FYB2: variants seen among roughly 807,000 people sequenced by gnomAD.
The protein encoded by FYB2 is FYN-binding protein 2.
FYB2 carries 103 observed loss-of-function variants against 94.1 expected under a neutral mutation model. That is an observed-to-expected ratio of 1.09 (90% CI 0.93 to 1.29). FYB2 has a LOEUF of 1.29. FYB2 is among the 50% of genes most tolerant of loss of function. The probability of loss-of-function intolerance (pLI) is 0.00; values close to 1 mark genes in which losing one functional copy is unlikely to be tolerated. For missense variants in FYB2, 896 were observed against 841.5 expected (o/e 1.06, Z -0.80); for synonymous variants, 293 against 287.9 (o/e 1.02, Z -0.18).
At chr1:56,822,738 A>G (rs1284873834), upstream of FYB2, among the ~76,000 whole-genome samples, 1 of 51,850 alleles carries the variant, frequency 1.9e-5, no homozygotes, top group African/African-American at 7.6e-5. Flanking sequence ...GAAACAGAAT[A>G]CCCCGATGTA....
At chr1:56,743,365 T>G (rs1644997688) in intron 11 of FYB2, among the ~76,000 whole-genome samples, 1 of 151,988 alleles carries the variant, frequency 6.6e-6, no homozygotes, top group African/African-American at 2.4e-5. Flanking sequence ...AGTATAAAAT[T>G]ACAACTGTGA....
At chr1:56,752,756 G>T (rs1362419425) in intron 8 of FYB2, among the ~76,000 whole-genome samples, 1 of 152,032 alleles carries the variant, frequency 6.6e-6, no homozygotes, top group Non-Finnish European at 1.5e-5. Context: ...AGAAGGAAGT[G>T]ACTCTTCGTT....
intron 2 of FYB2, among the ~76,000 whole-genome samples, chr1:56,791,471 GTTTTGAACTCCTGAACTCTGC>G (rs891468928): frequency 8.6e-5 from 13 of 152,042 alleles, no homozygotes; most frequent in African/African-American, 3.1e-4. Context: ...AGCCAGGCTG[GTTTTGAACTCCTGAACTCTGC>G]CCACCTTGGC....
At chr1:56,786,229 C>T (rs1646129827) in intron 4 of FYB2, among the ~76,000 whole-genome samples, 1 of 152,170 alleles carries the variant, frequency 6.6e-6, no homozygotes, top group Non-Finnish European at 1.5e-5. Context: ...CCCAGCTGAC[C>T]CCAGCCCAGA....
chr1:56,743,958 C>T, intron 11 of FYB2, 68 bp downstream of exon 11: 1 of 1,482,436 alleles, frequency 6.7e-7, no homozygotes. Flanking sequence ...GACATCTTAT[C>T]ACTAATCAGC....
Position 56,718,796 on chromosome 1 carries a change from C to CTGTT in FYB2, c.*871_*874dup, listed in dbSNP as rs1437656095. On this transcript the variant is annotated 3_prime_UTR_variant, in exon 20 of 20. Transcript: ENST00000343433. ...AAAAGCCACTTTCAAAAATTTTAAA[C>CTGTT]TGTTAAATGCATATGTAGAATTTAT... The CTGTT allele has an allele frequency of 1.3e-5, 2 of 152,554 alleles. No homozygotes were observed. Among genetic ancestry groups the CTGTT allele is most frequent in the Admixed American group, 6.6e-5 (1 of 15,264 alleles). The allele number at this position is 152,554 out of a possible 1,614,324, so 9.5% of individuals were successfully genotyped here. A position where few individuals can be genotyped will look rare whatever the true frequency, so the allele number is the denominator to read the frequency against.
intron 15 of FYB2, among the ~76,000 whole-genome samples, chr1:56,732,492 T>C (rs1429344521): frequency 6.6e-6 from 1 of 152,130 alleles, no homozygotes; most frequent in African/African-American, 2.4e-5. Context: ...TTAGAATTTG[T>C]ATGGAATCAC....
At chr1:56,796,972 A>T (rs1163141681) in intron 1 of FYB2, among the ~76,000 whole-genome samples, 1 of 152,218 alleles carries the variant, frequency 6.6e-6, no homozygotes, top group Non-Finnish European at 1.5e-5. Flanking sequence ...CAGAAAATGA[A>T]GGAGACAGAC....
chr1:56,824,986 G>T, the FYB2 span: 66,637 of 152,122 alleles, frequency 0.44, 15,377 homozygotes, highest in East Asian at 0.58. Context: ...GGGAAAGGAG[G>T]TGGCCTGTGT....
intron 1 of FYB2, among the ~76,000 whole-genome samples, chr1:56,802,920 T>C (rs1646554369): frequency 6.6e-6 from 1 of 152,204 alleles, no homozygotes; most frequent in African/African-American, 2.4e-5. Flanking sequence ...ATCATCTTCC[T>C]AGCATCAACA....
chr1:56,748,660 C>G (rs1406179712), intron 9 of FYB2, among the ~76,000 whole-genome samples: 1 of 151,954 alleles, frequency 6.6e-6, no homozygotes, highest in African/African-American at 2.4e-5. Context: ...TACCATTACT[C>G]TCTTCCCAAA....
In FYB2 at chr1:56,767,918, T is replaced by C; in HGVS notation, c.974A>G (p.Glu325Gly). 6.2e-7 allele frequency: 1 copy of C among 1,607,976 alleles called. No homozygotes were observed. Among genetic ancestry groups the C allele is most frequent in the Non-Finnish European group, 8.5e-7 (1 of 1,177,696 alleles). The stretch of plus-strand genomic sequence containing the variant: ...TGTTGCCTCGTAATTATGTGGTTCT[T>C]CAAATTCTGCATTGAAAAGCCTGGA... ...SPERLFNAEF[E>G]EPHNYEATIS... The change falls in exon 5 of 20, where the codon GAA becomes GGA. Residue 325 changes from glutamate to glycine, a missense_variant. Glu to Gly is a moderately conservative substitution (Grantham distance 98, BLOSUM62 -2). Transcript: ENST00000343433.
chr1:56,787,283 G>A, intron 3 of FYB2, 75 bp from the exon 4 acceptor site: 1 of 1,535,196 alleles, frequency 6.5e-7, no homozygotes, highest in Admixed American at 1.7e-5. Flanking sequence ...CTTGTGTGAT[G>A]ACTTGATCCC....
chr1:56,763,087 C>T (rs533014811), intron 5 of FYB2, among the ~76,000 whole-genome samples: 1 of 152,186 alleles, frequency 6.6e-6, no homozygotes, highest in East Asian at 1.9e-4. Flanking sequence ...CCCTTATATA[C>T]CACAACCAAA....
At chr1:56,749,258 T>G (rs906429346) in intron 9 of FYB2, among the ~76,000 whole-genome samples, 6 of 151,900 alleles carry the variant, frequency 3.9e-5, no homozygotes, top group Admixed American at 2.0e-4. Context: ...ATAGTATTTG[T>G]TTTATCTATT....
intron 14 of FYB2, 156 bp from the exon 15 acceptor site, chr1:56,737,303 C>G (rs1644850023): frequency 8.6e-6 from 4 of 467,474 alleles, no homozygotes; most frequent in South Asian, 8.9e-5. Context: ...CTAGAAGAAT[C>G]AAAGAATAAA....
chr1:56,790,251 A>T (rs1646229976), intron 2 of FYB2, among the ~76,000 whole-genome samples: 1 of 152,204 alleles, frequency 6.6e-6, no homozygotes, highest in South Asian at 2.1e-4. Flanking sequence ...GCTGGAAGGG[A>T]GGGAAAGCTT....
chr1:56,745,734 G>T (rs1255188095), intron 9 of FYB2, among the ~76,000 whole-genome samples: 2 of 151,892 alleles, frequency 1.3e-5, no homozygotes, highest in Non-Finnish European at 2.9e-5. Flanking sequence ...TCTTGTACTT[G>T]CAAAAGCTTT....
chr1:56,743,883 A>G (rs1329658419), intron 11 of FYB2, 143 bp downstream of exon 11: 11 of 796,690 alleles, frequency 1.4e-5, no homozygotes, highest in Admixed American at 1.3e-4. Context: ...CTGTTAGCAC[A>G]TATCTTGGTA....
Sources: allele counts gnomAD v4.1 joint callset (sites outside exome capture counted in the v4.1 genomes callset), GRCh38; gene constraint gnomAD v4.1.1; transcripts MANE v1.5; gene names NCBI Gene and HGNC (gene_info 2026-07-23, HGNC 2026-07-21).